CDK13: variants seen among roughly 807,000 people sequenced by gnomAD.
CDK13 encodes the protein cyclin dependent kinase 13, also known as cyclin-dependent kinase 13.
In CDK13, 40 loss-of-function variants were observed where a neutral mutation model predicts 137.6. That is an observed-to-expected ratio of 0.29 (90% CI 0.23 to 0.38). The LOEUF (loss-of-function observed/expected upper bound fraction) is 0.38. CDK13 is among the 10% of genes least tolerant of loss of function. CDK13 has a pLI of 1.00. For missense variants in CDK13, 1,704 were observed against 1,951.8 expected (o/e 0.87, Z 2.39); for synonymous variants, 869 against 760.1 (o/e 1.14, Z -2.36).
At position 40,092,436 on chromosome 7, in the gene CDK13, G is replaced by T. The variant is rs1256024164; in HGVS notation, c.3236-349G>T. On this transcript the variant is annotated intron_variant, in intron 12 of 13. Transcript: ENST00000181839. Reference sequence around the variant, plus strand: ...ATAAAGGATATTAAATGCTTAGAAGGTATGTGACACTCCCTTAGCTGTCAT... The same window carrying T: ...ATAAAGGATATTAAATGCTTAGAAGTTATGTGACACTCCCTTAGCTGTCAT... 1.3e-5 allele frequency: 3 copies of T among 222,680 alleles called. No individual in the cohort carries two copies. In the East Asian group the frequency reaches 3.2e-4, roughly 24 times the overall value. 13.8% of individuals were successfully genotyped at this position (222,680 alleles called of 1,614,324 possible). A position where few individuals can be genotyped will look rare whatever the true frequency, so the allele number is the denominator to read the frequency against.
At chr7:40,077,925 T>G (rs538252117) in intron 9 of CDK13, 80 bp from the exon 10 acceptor site, 37 of 584,166 alleles carry the variant, frequency 6.3e-5, no homozygotes, top group East Asian at 4.6e-4. Flanking sequence ...TATTTAAAAA[T>G]GAGTTGATGT....
intron 1 of CDK13, among the ~76,000 whole-genome samples, chr7:39,976,729 T>C (rs1026699130): frequency 6.6e-6 from 1 of 152,098 alleles, no homozygotes; most frequent in Non-Finnish European, 1.5e-5. Context: ...ACAACAATAA[T>C]AAAATAGAAC....
chr7:39,979,803 A>G (rs1471527481), intron 1 of CDK13, among the ~76,000 whole-genome samples: 1 of 152,072 alleles, frequency 6.6e-6, no homozygotes, highest in Non-Finnish European at 1.5e-5. Flanking sequence ...AAGGATTTTT[A>G]TAAAAGAGAG....
intron 5 of CDK13, among the ~76,000 whole-genome samples, chr7:40,040,547 TATTGTGAAAAA>T (rs1471584763): frequency 2.6e-5 from 4 of 152,200 alleles, no homozygotes; most frequent in African/African-American, 9.7e-5. Context: ...AACCAATAAG[TATTGTGAAAAA>T]TTGGGCTGTG....
At chr7:39,974,184 G>A (rs1364308904) in intron 1 of CDK13, among the ~76,000 whole-genome samples, 2 of 151,996 alleles carry the variant, frequency 1.3e-5, no homozygotes, top group Admixed American at 6.6e-5. Context: ...CTACAGAACT[G>A]CAATACATTG....
intron 5 of CDK13, among the ~76,000 whole-genome samples, chr7:40,009,436 TC>T (rs1166544706): frequency 3.9e-5 from 6 of 152,224 alleles, no homozygotes; most frequent in Non-Finnish European, 1.5e-5. Context: ...CTAAGAAAAG[TC>T]CTAATCAATT....
intron 5 of CDK13, among the ~76,000 whole-genome samples, chr7:40,003,116 G>C (rs1177717278): frequency 6.8e-6 from 1 of 146,626 alleles, no homozygotes; most frequent in Non-Finnish European, 1.5e-5. Context: ...GGTATGTTCT[G>C]ATTGAACATG....
chr7:39,956,630 C>T (rs1394271033), intron 1 of CDK13, among the ~76,000 whole-genome samples: 1 of 152,044 alleles, frequency 6.6e-6, no homozygotes, highest in African/African-American at 2.4e-5. Context: ...ACTTGCCCAC[C>T]CTGGAGTGCA....
At chr7:40,011,970 G>A (rs940588995) in intron 5 of CDK13, among the ~76,000 whole-genome samples, 3 of 152,086 alleles carry the variant, frequency 2.0e-5, no homozygotes, top group African/African-American at 7.2e-5. Flanking sequence ...AGTGGGCAAG[G>A]GATCTGAACA....
rs374381408 is a variant in CDK13 at position 40,016,614 on chromosome 7, G to A, written c.2353+14583G>A. On this transcript the variant is annotated intron_variant, in intron 5 of 13. Coordinates refer to ENST00000181839, the MANE Select transcript of CDK13 (RefSeq NM_003718.5). ...TATTTATAGAAATACATCATCTGAT[G>A]TTGAGAAATATGAACTGTGGCATAA... is the stretch of plus-strand genomic sequence containing the variant. Among the ~76,000 whole-genome samples the A allele has an allele frequency of 3.9e-4, 59 of 152,258 alleles. 1 individual carries two copies. In the South Asian group the frequency reaches 0.012, roughly 30 times the overall value.
intron 1 of CDK13, among the ~76,000 whole-genome samples, chr7:39,976,029 G>A (rs1270416172): frequency 6.6e-6 from 1 of 152,142 alleles, no homozygotes; most frequent in Non-Finnish European, 1.5e-5. Flanking sequence ...GAATTAAACA[G>A]GATCACACCT....
Position 40,047,811 on chromosome 7 carries a change from T to C in CDK13, c.2544-10T>C, listed in dbSNP as rs1349166882. The C allele has an allele frequency of 8.8e-6, 14 of 1,599,114 alleles. No homozygotes were observed. The highest frequency in any genetic ancestry group is 1.2e-5 in the Non-Finnish European group (14 of 1,166,992). On this transcript the variant is annotated splice_polypyrimidine_tract_variant and intron_variant, in intron 6 of 13. Transcript: ENST00000181839. ...AATACCTTTTGTTCATTTTGTCTTATTTCCACCAGAGGGCAGATAAAACTT... is the reference window on the plus strand; with the variant it reads ...AATACCTTTTGTTCATTTTGTCTTACTTCCACCAGAGGGCAGATAAAACTT...
intron 5 of CDK13, among the ~76,000 whole-genome samples, chr7:40,011,196 A>G (rs1784886785): frequency 6.6e-6 from 1 of 152,214 alleles, no homozygotes; most frequent in Non-Finnish European, 1.5e-5. Context: ...ATCTTAGAAG[A>G]ACAAAGTTGG....
At chr7:39,991,629 A>G (rs919079400) in intron 2 of CDK13, among the ~76,000 whole-genome samples, 3 of 152,104 alleles carry the variant, frequency 2.0e-5, no homozygotes, top group Non-Finnish European at 4.4e-5. Context: ...CTTTATTTTT[A>G]AAATATTCAA....
At chr7:40,021,153 A>ACACACACACACACACACACACACACAC (rs781461656) in intron 5 of CDK13, among the ~76,000 whole-genome samples, 1 of 151,152 alleles carries the variant, frequency 6.6e-6, no homozygotes, top group Non-Finnish European at 1.5e-5. Context: ...ACACACACAT[A>ACACACACACACACACACACACACACAC]AAGTTTTAAG....
intron 1 of CDK13, among the ~76,000 whole-genome samples, chr7:39,978,366 A>G (rs1784152199): frequency 6.6e-6 from 1 of 152,114 alleles, no homozygotes; most frequent in Non-Finnish European, 1.5e-5. Flanking sequence ...CTTTTTTTGA[A>G]AGGTAGGTCA....
At chr7:40,090,576 A>T (rs1343613879) in intron 12 of CDK13, among the ~76,000 whole-genome samples, 1 of 151,428 alleles carries the variant, frequency 6.6e-6, no homozygotes, top group African/African-American at 2.4e-5. Context: ...CTGGTCTCGA[A>T]CTCCTGACCT....
intron 3 of CDK13, chr7:39,999,043 C>G (rs1291689261): frequency 1.1e-5 from 2 of 177,264 alleles, no homozygotes; most frequent in Non-Finnish European, 2.4e-5. Context: ...TTTGACTCTA[C>G]TAGTGTTGGT....
At chr7:40,004,521 G>A (rs1244485483) in intron 5 of CDK13, among the ~76,000 whole-genome samples, 5 of 152,174 alleles carry the variant, frequency 3.3e-5, no homozygotes, top group Non-Finnish European at 7.4e-5. Context: ...TAATAATTTT[G>A]ATGGGAACTA....
Sources: allele counts gnomAD v4.1 joint callset (sites outside exome capture counted in the v4.1 genomes callset), GRCh38; gene constraint gnomAD v4.1.1; transcripts MANE v1.5; gene names NCBI Gene and HGNC (gene_info 2026-07-23, HGNC 2026-07-21).